The following ASIC2 variants were observed in gnomAD, a reference collection of about 807,000 sequenced individuals.
ASIC2 encodes the protein acid-sensing ion channel 2.
In ASIC2, 25 loss-of-function variants were observed where a neutral mutation model predicts 57.3. The observed-to-expected ratio is 0.44, with a 90% CI of 0.32 to 0.61. The LOEUF is 0.61. ASIC2 is among the 20% of genes least tolerant of loss of function. The pLI, the probability that ASIC2 is intolerant of heterozygous loss-of-function variation, is 0.06. For missense variants in ASIC2, 641 were observed against 738.1 expected, an observed-to-expected ratio of 0.87 and a Z score of 1.52; for synonymous variants, 319 against 307.5, an observed-to-expected ratio of 1.04 and a Z score of -0.39.
chr17:33,636,704 A>G (rs1906377781), intron 1 of ASIC2, among the ~76,000 whole-genome samples: 1 of 152,210 alleles, frequency 6.6e-6, no homozygotes, highest in South Asian at 2.1e-4. Flanking sequence ...TAGTTCTGAA[A>G]GTCTTTATCT....
intron 1 of ASIC2, among the ~76,000 whole-genome samples, chr17:33,935,048 A>G (rs1324275800): frequency 2.6e-5 from 4 of 152,180 alleles, no homozygotes; most frequent in African/African-American, 9.7e-5. Context: ...CAGCCTGTCC[A>G]GCACCATCCC....
At chr17:33,898,391 G>A (rs1275091205) in intron 1 of ASIC2, among the ~76,000 whole-genome samples, 1 of 151,542 alleles carries the variant, frequency 6.6e-6, no homozygotes, top group Non-Finnish European at 1.5e-5. Context: ...GGATGCCACT[G>A]CACCCAGCTA....
At chr17:33,266,632 G>A (rs906551666) in intron 1 of ASIC2, among the ~76,000 whole-genome samples, 1 of 145,226 alleles carries the variant, frequency 6.9e-6, no homozygotes, top group Non-Finnish European at 1.5e-5. Flanking sequence ...TCCCCCATCC[G>A]CACAACCGTG....
intron 1 of ASIC2, among the ~76,000 whole-genome samples, chr17:33,816,981 G>A (rs181045060): frequency 1.9e-3 from 291 of 152,304 alleles, no homozygotes; most frequent in Admixed American, 3.0e-3. Flanking sequence ...CTGCCCTCAC[G>A]GCTGACTCTG....
At position 33,593,538 on chromosome 17, in the gene ASIC2, C is replaced by T. The variant is rs114238008; in HGVS notation, c.556-481471G>A. ...TAGAAAGCTCAGGTTGCAATCTCAG[C>T]TTTGCCTCTTGGTCAGGTTTTCTCT... On this transcript the variant is annotated intron_variant, in intron 1 of 9. Transcript: ENST00000359872. 8.1e-3 allele frequency among the ~76,000 whole-genome samples: 1,236 copies of T among 152,316 alleles called. 18 individuals carry two copies. The highest frequency in any genetic ancestry group is 0.027 in the African/African-American group (1,143 of 41,564).
At chr17:33,560,047 T>TG in intron 1 of ASIC2, among the ~76,000 whole-genome samples, 1 of 152,332 alleles carries the variant, frequency 6.6e-6, no homozygotes, top group South Asian at 2.1e-4. Flanking sequence ...GCCATTTTTT[T>TG]TCAATCACCA....
intron 1 of ASIC2, among the ~76,000 whole-genome samples, chr17:34,019,293 T>A (rs374370054): frequency 1.3e-5 from 2 of 152,250 alleles, no homozygotes; most frequent in African/African-American, 2.4e-5. Context: ...ATAAACTTAG[T>A]CAATAGAGTA....
At chr17:33,519,664 G>C (rs1240712044) in intron 1 of ASIC2, among the ~76,000 whole-genome samples, 1 of 152,180 alleles carries the variant, frequency 6.6e-6, no homozygotes, top group East Asian at 1.9e-4. Flanking sequence ...CCACCACTGG[G>C]CTTGGAAAGG....
At position 34,038,379 on chromosome 17, in the gene ASIC2, G is replaced by A. The variant is rs1268207076; in HGVS notation, c.555+117599C>T. The A allele has an allele frequency of 1.9e-6, 3 of 1,611,498 alleles. No homozygotes were observed. The African/African-American group carries it at 4.0e-5, about 22-fold the overall frequency. On this transcript the variant is annotated intron_variant, in intron 1 of 9. Transcript: ENST00000359872. ...AGCTTAACTATTCTGGGATGGTCCA[G>A]CTCTTTATGAATCCGGTATTCCCTA... is the stretch of plus-strand genomic sequence containing the variant.
At chr17:33,629,572 T>G (rs1276510627) in intron 1 of ASIC2, among the ~76,000 whole-genome samples, 1 of 152,166 alleles carries the variant, frequency 6.6e-6, no homozygotes, top group East Asian at 1.9e-4. Flanking sequence ...GGCTCTTGAT[T>G]TGGTGAGTCC....
At chr17:33,790,261 C>A (rs1226288184) in intron 1 of ASIC2, among the ~76,000 whole-genome samples, 1 of 152,102 alleles carries the variant, frequency 6.6e-6, no homozygotes, top group Non-Finnish European at 1.5e-5. Context: ...CTTGATGCAT[C>A]CCAACTCTCA....
rs1029798702 is a variant in ASIC2 at position 33,586,572 on chromosome 17, A to G, written c.556-474505T>C. On this transcript the variant is annotated intron_variant, in intron 1 of 9. Transcript: ENST00000359872. The stretch of plus-strand genomic sequence containing the variant: ...CCTACATATTCTTGTCTCCCTTGTC[A>G]TTCTTCTTTTGGCTTTCTGAATATG... 7.9e-5 allele frequency among the ~76,000 whole-genome samples: 12 copies of G among 152,054 alleles called. 1 individual carries two copies. The highest frequency in any genetic ancestry group is 4.1e-4 in the South Asian group (2 of 4,820).
chr17:33,493,489 T>C (rs1336682759), intron 1 of ASIC2, among the ~76,000 whole-genome samples: 2 of 152,164 alleles, frequency 1.3e-5, no homozygotes, highest in Admixed American at 6.5e-5. Context: ...GTAGCTTCCA[T>C]AGCTTTTCCT....
chr17:33,627,962 G>A (rs1218880683), intron 1 of ASIC2, among the ~76,000 whole-genome samples: 3 of 151,962 alleles, frequency 2.0e-5, no homozygotes, highest in African/African-American at 7.3e-5. Context: ...CCTGGGAGGC[G>A]GAGCTTGCAG....
chr17:33,767,030 AC>A (rs1394819427), intron 1 of ASIC2, among the ~76,000 whole-genome samples: 4 of 152,242 alleles, frequency 2.6e-5, no homozygotes, highest in African/African-American at 9.6e-5. Context: ...TTTGCCCTGG[AC>A]CAGGCTGCAC....
At chr17:33,192,698 T>C (rs572993571) in intron 1 of ASIC2, among the ~76,000 whole-genome samples, 1 of 152,292 alleles carries the variant, frequency 6.6e-6, no homozygotes, top group East Asian at 1.9e-4. Flanking sequence ...CCCCATGACA[T>C]GGTCTGTGAC....
chr17:33,517,891 G>C (rs985839877), intron 1 of ASIC2, among the ~76,000 whole-genome samples: 1 of 152,132 alleles, frequency 6.6e-6, no homozygotes, highest in African/African-American at 2.4e-5. Flanking sequence ...TTCCTTCATA[G>C]GTCGCCTAGA....
intron 1 of ASIC2, among the ~76,000 whole-genome samples, chr17:33,386,769 T>G (rs1909695848): frequency 6.6e-6 from 1 of 152,068 alleles, no homozygotes; most frequent in South Asian, 2.1e-4. Flanking sequence ...TCTCTCGGCC[T>G]CATTTAGTGT....
intron 1 of ASIC2, chr17:33,692,260 C>T (rs1908396412): frequency 6.6e-6 from 1 of 152,156 alleles, no homozygotes; most frequent in Non-Finnish European, 1.5e-5. Context: ...ATCCTCTTCA[C>T]CCTCTTCACA....
Sources: allele counts gnomAD v4.1 joint callset (sites outside exome capture counted in the v4.1 genomes callset), GRCh38; gene constraint gnomAD v4.1.1; transcripts MANE v1.5; gene names NCBI Gene and HGNC (gene_info 2026-07-23, HGNC 2026-07-21).